The following KCNAB1 variants were observed in gnomAD, a reference collection of about 807,000 sequenced individuals.
KCNAB1 encodes voltage-gated potassium channel subunit beta-1.
A neutral mutation model predicts 64.6 loss-of-function variants in KCNAB1; 35 were observed. That is an observed-to-expected ratio of 0.54 (90% CI 0.41 to 0.72). The LOEUF (loss-of-function observed/expected upper bound fraction) is 0.72, where lower values mean the gene tolerates loss of function less well. KCNAB1 is among the 30% of genes least tolerant of loss of function. The pLI, the probability that KCNAB1 is intolerant of heterozygous loss-of-function variation, is 0.00. For synonymous variants in KCNAB1, 177 were observed against 183.8 expected, an observed-to-expected ratio of 0.96 and a Z score of 0.30; for missense variants, 401 against 512.9, an observed-to-expected ratio of 0.78 and a Z score of 2.11.
At chr3:156,337,519 T>C (rs1440309409) in intron 1 of KCNAB1, among the ~76,000 whole-genome samples, 1 of 152,218 alleles carries the variant, frequency 6.6e-6, no homozygotes, top group Non-Finnish European at 1.5e-5. Context: ...AGGCACCAAG[T>C]GGGCACTGCC....
Position 156,271,521 on chromosome 3 carries a change from A to C in KCNAB1, c.276-150095A>C, listed in dbSNP as rs192440118. 3.9e-5 allele frequency among the ~76,000 whole-genome samples: 6 copies of C among 152,314 alleles called. No homozygotes were observed. In the East Asian group the frequency reaches 1.2e-3, roughly 29 times the overall value. ...GTTAACTGCATTTTTCAACTCTAGA[A>C]TTTATACTTGAGTATTTTAAATTAT... On this transcript the variant is annotated intron_variant, in intron 1 of 13. Transcript: ENST00000490337.
chr3:156,518,300 T>C (rs1219794349), intron 11 of KCNAB1, among the ~76,000 whole-genome samples: 2 of 152,134 alleles, frequency 1.3e-5, no homozygotes, highest in Non-Finnish European at 1.5e-5. Context: ...CTCTGCAGAC[T>C]CTCAAGGCTC....
chr3:156,124,175 A>C (rs906627307), intron 1 of KCNAB1, among the ~76,000 whole-genome samples: 3 of 151,766 alleles, frequency 2.0e-5, no homozygotes, highest in African/African-American at 7.3e-5. Flanking sequence ...GATTTTAAAA[A>C]ACCATATTTC....
At chr3:156,342,585 C>CTTTTTTTTTTTTTTTTTTTTTTTTATTT (rs60982892) in intron 1 of KCNAB1, among the ~76,000 whole-genome samples, 2 of 86,254 alleles carry the variant, frequency 2.3e-5, no homozygotes, top group East Asian at 3.8e-4. Context: ...CTATGTGTTT[C>CTTTTTTTTTTTTTTTTTTTTTTTTATTT]TTTTTTTTTT....
intron 1 of KCNAB1, among the ~76,000 whole-genome samples, chr3:156,400,166 A>G (rs1418019644): frequency 2.0e-5 from 3 of 152,244 alleles, no homozygotes; most frequent in African/African-American, 4.8e-5. Flanking sequence ...AGCAGAAGAA[A>G]AGATTACAAA....
chr3:156,527,932 C>T (rs13065924), intron 12 of KCNAB1, among the ~76,000 whole-genome samples: 35,717 of 152,076 alleles, frequency 0.23, 4,534 homozygotes, highest in Non-Finnish European at 0.28. Context: ...GACATACTTG[C>T]TAGTGACACT....
At chr3:156,347,498 A>G (rs1724560461) in intron 1 of KCNAB1, among the ~76,000 whole-genome samples, 1 of 152,240 alleles carries the variant, frequency 6.6e-6, no homozygotes, top group South Asian at 2.1e-4. Flanking sequence ...GGAGCTAGAG[A>G]ATCAATAAGT....
chr3:156,337,237 T>C (rs532092354), intron 1 of KCNAB1, among the ~76,000 whole-genome samples: 1 of 152,274 alleles, frequency 6.6e-6, no homozygotes, highest in Admixed American at 6.5e-5. Flanking sequence ...AACACTGAAG[T>C]TGGGGCGGGT....
intron 1 of KCNAB1, among the ~76,000 whole-genome samples, chr3:156,277,854 A>G (rs998320390): frequency 2.0e-5 from 3 of 152,200 alleles, no homozygotes; most frequent in Admixed American, 1.3e-4. Context: ...ACTAATTTAC[A>G]TTCCCACCAA....
At chr3:156,469,684 A>G (rs1713735091) in intron 7 of KCNAB1, among the ~76,000 whole-genome samples, 2 of 152,186 alleles carry the variant, frequency 1.3e-5, no homozygotes, top group East Asian at 1.9e-4. Flanking sequence ...AACTTTTGAG[A>G]TGGAAGAAGA....
At chr3:156,248,652 T>C (rs1482152162) in intron 1 of KCNAB1, among the ~76,000 whole-genome samples, 7 of 152,102 alleles carry the variant, frequency 4.6e-5, no homozygotes, top group Admixed American at 1.3e-4. Flanking sequence ...TAAATGACAA[T>C]GGAGGCCCAT....
intron 8 of KCNAB1, among the ~76,000 whole-genome samples, chr3:156,504,751 G>GTTTTTTTTTTTTTT: frequency 7.5e-6 from 1 of 132,752 alleles, no homozygotes; most frequent in Non-Finnish European, 1.6e-5. Context: ...TGTTTTTTTT[G>GTTTTTTTTTTTTTT]TTTTTTTTTT....
intron 1 of KCNAB1, among the ~76,000 whole-genome samples, chr3:156,300,058 C>T (rs1291409600): frequency 1.3e-5 from 2 of 152,110 alleles, no homozygotes; most frequent in Non-Finnish European, 2.9e-5. Flanking sequence ...ACCAAGGGCA[C>T]AGCAACAAGA....
At chr3:156,398,932 ACCACCCAGTTGTGTTCTGCCATGATTGG>A (rs1313315097) in intron 1 of KCNAB1, among the ~76,000 whole-genome samples, 24 of 152,160 alleles carry the variant, frequency 1.6e-4, no homozygotes, top group South Asian at 8.3e-4. Flanking sequence ...AGCCACACTA[ACCACCCAGTTGTGTTCTGCCATGATTGG>A]CCACCCAGAT....
chr3:156,231,088 T>C (rs1716494049), intron 1 of KCNAB1, among the ~76,000 whole-genome samples: 1 of 152,206 alleles, frequency 6.6e-6, no homozygotes, highest in Non-Finnish European at 1.5e-5. Flanking sequence ...TCCATCCTCC[T>C]CTTACAGATT....
chr3:156,502,532 CCACACACACACACACACACACA>C (rs60469602), intron 8 of KCNAB1, among the ~76,000 whole-genome samples: 3 of 142,810 alleles, frequency 2.1e-5, no homozygotes, highest in Non-Finnish European at 4.6e-5. Context: ...TACCTTACAA[CCACACACACACACACACACACA>C]CACACACACA....
chr3:156,264,076 G>T (rs1014186172), intron 1 of KCNAB1, among the ~76,000 whole-genome samples: 9 of 151,872 alleles, frequency 5.9e-5, no homozygotes, highest in Middle Eastern at 3.2e-3. Flanking sequence ...GTGGTATTTT[G>T]GTGCTCTGTC....
chr3:156,148,957 G>C (rs903166958), intron 1 of KCNAB1, among the ~76,000 whole-genome samples: 1 of 151,898 alleles, frequency 6.6e-6, no homozygotes, highest in Non-Finnish European at 1.5e-5. Flanking sequence ...CTTGGCCTCA[G>C]GAAGTGTGGG....
intron 1 of KCNAB1, among the ~76,000 whole-genome samples, chr3:156,124,154 T>C (rs1009990786): frequency 6.6e-6 from 1 of 151,900 alleles, no homozygotes; most frequent in African/African-American, 2.4e-5. Context: ...ACAATAAACA[T>C]CTTTGTATCA....
Sources: gnomAD v4.1 joint callset for allele counts (sites outside exome capture counted in the v4.1 genomes callset) on GRCh38, gnomAD v4.1.1 for gene constraint, MANE v1.5 for transcripts, NCBI Gene and HGNC (gene_info 2026-07-23, HGNC 2026-07-21) for gene names.